Variants in KPNA5 observed in about 807,000 individuals in gnomAD.
The protein encoded by KPNA5 is karyopherin subunit alpha 5.
Under a neutral mutation model 71.3 loss-of-function variants are expected in KPNA5, and 46 were observed. That is an observed-to-expected ratio of 0.65 (90% CI 0.51 to 0.83). The LOEUF is 0.83. Among genes scored for constraint, KPNA5 ranks in the 40% least tolerant of loss-of-function variants. KPNA5 has a pLI of 0.00. For synonymous variants in KPNA5, 207 were observed against 201.4 expected, an observed-to-expected ratio of 1.03 and a Z score of -0.24; for missense variants, 547 against 628.3, an observed-to-expected ratio of 0.87 and a Z score of 1.38.
At position 116,735,327 on chromosome 6, in the gene KPNA5, T is replaced by A. The variant is rs1779634346; in HGVS notation, c.*3004T>A. ...TTTAAGAAGGAGCATTATGGAAAAA[T>A]AAATATAAAGTCTTAGTGAATTTTT... On this transcript the variant is annotated 3_prime_UTR_variant, in exon 14 of 14. Coordinates refer to ENST00000368564, the MANE Select transcript of KPNA5 (RefSeq NM_001366306.2). 1 of 151,722 alleles carries A rather than the reference T, an allele frequency of 6.6e-6. No individual in the cohort carries two copies. Among genetic ancestry groups the A allele is most frequent in the Non-Finnish European group, 1.5e-5 (1 of 67,728 alleles). The allele number at this position is 151,722 out of a possible 1,614,324, so 9.4% of individuals were successfully genotyped here. A position where few individuals can be genotyped will look rare whatever the true frequency, so the allele number is the denominator to read the frequency against.
chr6:116,698,406 AAAT>A (rs563202232), intron 4 of KPNA5, among the ~76,000 whole-genome samples: 1 of 152,060 alleles, frequency 6.6e-6, no homozygotes, highest in Non-Finnish European at 1.5e-5. Context: ...TTTTAGACAG[AAAT>A]AATCAATGTT....
At chr6:116,727,378 AAGAC>A (rs749711228) in intron 12 of KPNA5, among the ~76,000 whole-genome samples, 5 of 152,062 alleles carry the variant, frequency 3.3e-5, no homozygotes, top group African/African-American at 4.8e-5. Flanking sequence ...AAAAAAGAAA[AAGAC>A]AGTAAAAAAT....
chr6:116,721,244 C>T (rs1022328973), intron 8 of KPNA5, among the ~76,000 whole-genome samples: 3 of 152,126 alleles, frequency 2.0e-5, no homozygotes, highest in Non-Finnish European at 2.9e-5. Flanking sequence ...GAAAAGTCAT[C>T]TAAAATATTA....
chr6:116,681,932 A>G (rs1389305396), intron 1 of KPNA5, among the ~76,000 whole-genome samples: 30 of 152,112 alleles, frequency 2.0e-4, no homozygotes, highest in Admixed American at 2.0e-3. Context: ...AGGAGATGGA[A>G]GTATTTGAAA....
chr6:116,730,473 T>C (rs767207525), intron 13 of KPNA5, among the ~76,000 whole-genome samples: 1 of 152,190 alleles, frequency 6.6e-6, no homozygotes, highest in Non-Finnish European at 1.5e-5. Flanking sequence ...GTTCCCAGTT[T>C]ATCACTTTAT....
intron 7 of KPNA5, among the ~76,000 whole-genome samples, chr6:116,706,582 A>G (rs528897098): frequency 3.3e-5 from 5 of 152,200 alleles, no homozygotes; most frequent in Admixed American, 2.0e-4. Flanking sequence ...CCAGCTACTC[A>G]AGAGGCTGAG....
At chr6:116,730,376 C>T (rs922590740) in intron 13 of KPNA5, among the ~76,000 whole-genome samples, 1 of 152,012 alleles carries the variant, frequency 6.6e-6, no homozygotes, top group Non-Finnish European at 1.5e-5. Context: ...TATGAGCCAC[C>T]ATGTCTGGCC....
Position 116,732,495 on chromosome 6 carries a change from A to C in KPNA5, c.*172A>C. 1 of 323,006 alleles carries C rather than the reference A, an allele frequency of 3.1e-6. No homozygotes were observed. Among genetic ancestry groups the C allele is most frequent in the East Asian group, 4.6e-5 (1 of 21,586 alleles). The allele number at this position is 323,006 out of a possible 1,614,324, so 20.0% of individuals were successfully genotyped here. ...CCATTCAGATGCAACCTTTCATTGT[A>C]GTTTGTTGTTGTTTTAGTTTTGTTG... On this transcript the variant is annotated 3_prime_UTR_variant, in exon 14 of 14. Transcript: ENST00000368564.
intron 8 of KPNA5, among the ~76,000 whole-genome samples, chr6:116,717,882 T>C (rs1246572442): frequency 2.7e-5 from 4 of 149,224 alleles, no homozygotes; most frequent in Non-Finnish European, 5.9e-5. Context: ...TTTCCAATAG[T>C]GTGCCCCCCC....
At position 116,734,481 on chromosome 6, in the gene KPNA5, A is replaced by G. The variant is rs1779599427; in HGVS notation, c.*2158A>G. The G allele has an allele frequency of 6.6e-6, 1 of 151,758 alleles. No individual in the cohort carries two copies. The highest frequency in any genetic ancestry group is 2.1e-4 in the South Asian group (1 of 4,834). 9.4% of individuals were successfully genotyped at this position (151,758 alleles called of 1,614,324 possible). ...GATTATACTTCATAAGCATTTAAAT[A>G]CAGTTTTATTTATTTCCTTAAATAT... is the stretch of plus-strand genomic sequence containing the variant. On this transcript the variant is annotated 3_prime_UTR_variant, in exon 14 of 14. Transcript: ENST00000368564.
At chr6:116,722,869 T>TA (rs907036108) in intron 9 of KPNA5, among the ~76,000 whole-genome samples, 1 of 152,174 alleles carries the variant, frequency 6.6e-6, no homozygotes, top group Non-Finnish European at 1.5e-5. Context: ...TTACCCTCTT[T>TA]AAAAAATGTA....
chr6:116,736,171 A>G lies in KPNA5; in HGVS notation c.*3848A>G, dbSNP rs1779661898. On this transcript the variant is annotated 3_prime_UTR_variant, in exon 14 of 14. Transcript: ENST00000368564. ...AACAAATGTTCATCAGCCAATGGAT[A>G]AATAAAATGTTATATTCATAAAATG... 6.6e-6 allele frequency: 1 copy of G among 151,880 alleles called. No homozygotes were observed. 9.4% of individuals were successfully genotyped at this position (151,880 alleles called of 1,614,324 possible). A position where few individuals can be genotyped will look rare whatever the true frequency, so the allele number is the denominator to read the frequency against.
rs1478134161 is a variant in KPNA5, at chr6:116,736,519, C to G, written c.*4196C>G. On this transcript the variant is annotated 3_prime_UTR_variant, in exon 14 of 14. Coordinates refer to ENST00000368564, the MANE Select transcript of KPNA5 (RefSeq NM_001366306.2). ...CAAGTGCTCAGTAGGGAGTGCAGGG[C>G]TACAGTATGTTTTTTAAATCACGTG... The G allele has an allele frequency of 6.6e-6, 1 of 151,900 alleles. No individual in the cohort carries two copies. The highest frequency in any genetic ancestry group is 1.5e-5 in the Non-Finnish European group (1 of 67,892). 9.4% of individuals were successfully genotyped at this position (151,900 alleles called of 1,614,324 possible).
At chr6:116,694,904 G>C (rs947364185) in intron 4 of KPNA5, among the ~76,000 whole-genome samples, 1 of 152,088 alleles carries the variant, frequency 6.6e-6, no homozygotes, top group Non-Finnish European at 1.5e-5. Flanking sequence ...CCCATCTTCA[G>C]TTTGTACAAG....
chr6:116,705,167 A>T lies in KPNA5; in HGVS notation c.656+7A>T. 1 of 1,580,218 alleles carries T rather than the reference A, an allele frequency of 6.3e-7. No homozygotes were observed. Among genetic ancestry groups the T allele is most frequent in the Non-Finnish European group, 8.7e-7 (1 of 1,151,954 alleles). On this transcript the variant is annotated splice_region_variant and intron_variant, in intron 7 of 13. Coordinates refer to ENST00000368564, the MANE Select transcript of KPNA5 (RefSeq NM_001366306.2). The stretch of plus-strand genomic sequence containing the variant: ...TACTTCCACCTCTTTTAGAGTAAGT[A>T]CTTTATCACAATTAAGTATATATCA...
chr6:116,699,774 C>T (rs897205274), intron 5 of KPNA5, among the ~76,000 whole-genome samples: 1 of 152,104 alleles, frequency 6.6e-6, no homozygotes, highest in African/African-American at 2.4e-5. Flanking sequence ...CCTCTTGATA[C>T]CTATTATTTG....
In KPNA5 at chr6:116,732,077, TATATATATATATATATATATATATATA is replaced by T. The variant is rs1779509599; in HGVS notation, c.1433-58_1433-32del. ...TGAAATTGTAGTAACAGTTTGTTTA[TATATATATATATATATATATATATATA>T]TATATATATATATATATACTTTGTA... On this transcript the variant is annotated intron_variant, in intron 13 of 13. Coordinates refer to ENST00000368564, the MANE Select transcript of KPNA5 (RefSeq NM_001366306.2). 131 of 144,774 alleles carry T rather than the reference TATATATATATATATATATATATATATA, an allele frequency of 9.0e-4. 18 individuals are homozygous for T. Among genetic ancestry groups the T allele is most frequent in the African/African-American group, 2.2e-3 (52 of 24,142 alleles). The allele number at this position is 144,774 out of a possible 1,614,324, so 9.0% of individuals were successfully genotyped here. A position where few individuals can be genotyped will look rare whatever the true frequency, so the allele number is the denominator to read the frequency against.
At chr6:116,695,190 A>G (rs1777977018) in intron 4 of KPNA5, among the ~76,000 whole-genome samples, 1 of 152,078 alleles carries the variant, frequency 6.6e-6, no homozygotes. Context: ...TTGCCTGCCA[A>G]AGTTCTGTGA....
intron 1 of KPNA5, among the ~76,000 whole-genome samples, chr6:116,686,873 T>G (rs1051173686): frequency 6.6e-6 from 1 of 152,144 alleles, no homozygotes; most frequent in African/African-American, 2.4e-5. Flanking sequence ...TGGGCTATTT[T>G]GTTTCATTGG....
Sources: gnomAD v4.1 joint callset for allele counts (sites outside exome capture counted in the v4.1 genomes callset) on GRCh38, gnomAD v4.1.1 for gene constraint, MANE v1.5 for transcripts, NCBI Gene and HGNC (gene_info 2026-07-23, HGNC 2026-07-21) for gene names.